SMARCC1: variants seen among roughly 807,000 people sequenced by gnomAD.
SMARCC1 encodes the protein SWI/SNF complex subunit SMARCC1.
A neutral mutation model predicts 147.4 loss-of-function variants in SMARCC1; 43 were observed. The observed-to-expected ratio is 0.29, with a 90% CI of 0.23 to 0.38. The LOEUF (loss-of-function observed/expected upper bound fraction) is 0.38, where lower values mean the gene tolerates loss of function less well. Ranked by LOEUF, SMARCC1 falls within the 10% of genes least tolerant of loss-of-function variation. The pLI is 1.00. For synonymous variants in SMARCC1, 495 were observed against 484.4 expected (o/e 1.02, Z -0.29); for missense variants, 1,119 against 1,381.1 (o/e 0.81, Z 3.01).
At chr3:47,736,365 C>T (rs2034442807) in intron 4 of SMARCC1, among the ~76,000 whole-genome samples, 1 of 152,056 alleles carries the variant, frequency 6.6e-6, no homozygotes, top group Non-Finnish European at 1.5e-5. Context: ...TTTTTAGCTA[C>T]GGAAGGGATT....
Position 47,588,299 on chromosome 3 carries a change from A to G in SMARCC1, c.3228T>C (p.Pro1076=), listed in dbSNP as rs368443987. Residue 1076 remains proline (P), a synonymous_variant, in exon 28 of 28, where the codon CCT becomes CCC. Coordinates refer to ENST00000254480, the MANE Select transcript of SMARCC1 (RefSeq NM_003074.4). ...PLTAPNGMYP[P]PPQQQPPPPP... is the part of the protein sequence containing the mutation. ...GTGGCGGTGGCTGCTGCTGTGGTGG[A>G]GGGGGATCTGCAAACATATCCAAGA... The G allele has an allele frequency of 5.0e-6, 8 of 1,613,710 alleles. No individual in the cohort carries two copies. In the South Asian group the frequency reaches 8.8e-5, roughly 18 times the overall value.
At position 47,652,342 on chromosome 3, in the gene SMARCC1, C is replaced by T. The variant is rs866718459; in HGVS notation, c.2320+8952G>A. On this transcript the variant is annotated intron_variant, in intron 21 of 27. Transcript: ENST00000254480. Reference sequence around the variant, plus strand: ...ACAGCTGCTCTGCCTGATGCATTTGCCTATTTCAGGAGACAGGTGTTAAGT... The same window carrying T: ...ACAGCTGCTCTGCCTGATGCATTTGTCTATTTCAGGAGACAGGTGTTAAGT... Among the ~76,000 whole-genome samples the T allele has an allele frequency of 2.6e-5, 4 of 152,084 alleles. No homozygotes were observed. The South Asian group carries it at 8.3e-4, about 32-fold the overall frequency.
At chr3:47,686,211 C>A (rs762077541) in intron 13 of SMARCC1, 41 bp from the exon 14 acceptor site, 3 of 1,542,156 alleles carry the variant, frequency 1.9e-6, no homozygotes, top group South Asian at 2.3e-5. Context: ...GAAAGAACTA[C>A]AGAGAGAGAT....
intron 1 of SMARCC1, among the ~76,000 whole-genome samples, chr3:47,776,654 C>G (rs2034978516): frequency 6.6e-6 from 1 of 151,978 alleles, no homozygotes; most frequent in South Asian, 2.1e-4. Context: ...ATGCCAAACT[C>G]TATAGCTGAA....
At chr3:47,626,458 TAA>T (rs67479695) in intron 24 of SMARCC1, among the ~76,000 whole-genome samples, 246 of 117,694 alleles carry the variant, frequency 2.1e-3, no homozygotes, top group East Asian at 6.8e-3. Context: ...ACCCTGTCTT[TAA>T]AAAAAAAAAA....
At chr3:47,743,812 C>CAA (rs35760519) in intron 3 of SMARCC1, among the ~76,000 whole-genome samples, 15 of 76,122 alleles carry the variant, frequency 2.0e-4, no homozygotes, top group South Asian at 8.3e-4. Context: ...GACTATGTCT[C>CAA]AAAAAAAAAA....
At chr3:47,660,804 T>C (rs892973044) in intron 21 of SMARCC1, among the ~76,000 whole-genome samples, 1 of 152,172 alleles carries the variant, frequency 6.6e-6, no homozygotes, top group African/African-American at 2.4e-5. Context: ...AATTAGATAG[T>C]GGTGATAGAC....
chr3:47,671,190 A>AAAAC (rs901033447), intron 18 of SMARCC1, among the ~76,000 whole-genome samples: 1 of 145,148 alleles, frequency 6.9e-6, no homozygotes, highest in African/African-American at 2.6e-5. Flanking sequence ...AAAAAAAAAA[A>AAAAC]AAAAAAAACA....
intron 9 of SMARCC1, among the ~76,000 whole-genome samples, chr3:47,708,919 T>C (rs1431030057): frequency 6.6e-6 from 1 of 152,140 alleles, no homozygotes; most frequent in Admixed American, 6.6e-5. Flanking sequence ...GGATTACAGG[T>C]GTGAGCCACT....
intron 21 of SMARCC1, among the ~76,000 whole-genome samples, chr3:47,644,798 G>A (rs778593934): frequency 3.3e-5 from 5 of 152,140 alleles, no homozygotes; most frequent in Non-Finnish European, 7.3e-5. Flanking sequence ...ATGAGCCACC[G>A]TGCCCAGCCA....
intron 6 of SMARCC1, 45 bp from the exon 7 acceptor site, chr3:47,720,780 TAAAG>T: frequency 7.5e-7 from 1 of 1,334,792 alleles, no homozygotes; most frequent in Non-Finnish European, 1.1e-6. Context: ...GACAAAATAA[TAAAG>T]AAACTATGAT....
At chr3:47,780,861 G>A (rs541055924) in intron 1 of SMARCC1, among the ~76,000 whole-genome samples, 1 of 152,098 alleles carries the variant, frequency 6.6e-6, no homozygotes, top group Non-Finnish European at 1.5e-5. Flanking sequence ...ATAAACAAAG[G>A]ATTAAGTCAA....
At chr3:47,701,464 T>C in intron 10 of SMARCC1, 62 bp from the exon 11 acceptor site, 1 of 1,462,496 alleles carries the variant, frequency 6.8e-7, no homozygotes, top group East Asian at 2.3e-5. Context: ...TAGCAAACAG[T>C]TTCTGAGGTT....
chr3:47,693,203 A>G (rs2033811036), intron 12 of SMARCC1, 38 bp downstream of exon 12: 3 of 1,174,044 alleles, frequency 2.6e-6, no homozygotes, highest in Non-Finnish European at 3.8e-6. Flanking sequence ...TATTCAAGAC[A>G]GAAAGCACAG....
rs925127019 is a variant in SMARCC1, at chr3:47,755,539, TA to T, written c.316-9547del. ...AAACTAATTAAATAAAAAGCGAATT[TA>T]AAAAAAAAAAGAATTATAAGTTTAA... On this transcript the variant is annotated intron_variant, in intron 2 of 27. Coordinates refer to ENST00000254480, the MANE Select transcript of SMARCC1 (RefSeq NM_003074.4). Among the ~76,000 whole-genome samples the T allele has an allele frequency of 6.1e-3, 844 of 139,058 alleles. 8 individuals are homozygous for T. Among genetic ancestry groups the T allele is most frequent in the African/African-American group, 0.02 (751 of 37,782 alleles). The allele number at this position is 139,058 out of a possible 152,430, so 91.2% of individuals were successfully genotyped here.
At chr3:47,772,693 TG>T in intron 2 of SMARCC1, 123 bp downstream of exon 2, 2 of 861,726 alleles carry the variant, frequency 2.3e-6, no homozygotes, top group South Asian at 4.5e-5. Context: ...AACTAAAATT[TG>T]TTTTTTGCTT....
At position 47,610,194 on chromosome 3, in the gene SMARCC1, T is replaced by C; in HGVS notation, c.2915A>G (p.Gln972Arg). 1.9e-6 allele frequency: 3 copies of C among 1,614,240 alleles called. No individual in the cohort carries two copies. Among genetic ancestry groups the C allele is most frequent in the East Asian group, 2.2e-5 (1 of 44,888 alleles). ...GGCCAGGCCAGGTCCTCCTGAGTGCTGGTGTGCCTGTTGAGGGTTCTGGCC... is the reference window on the plus strand; with the variant it reads ...GGCCAGGCCAGGTCCTCCTGAGTGCCGGTGTGCCTGTTGAGGGTTCTGGCC... ...QHGQNPQQAH[Q>R]HSGGPGLAPL... The change falls in exon 26 of 28, where the codon CAG becomes CGG. Residue 972 changes from glutamine to arginine, a missense_variant. Physicochemically the swap from Gln to Arg is conservative, Grantham distance 43 (BLOSUM62 1). This residue lies in a region of SMARCC1 where 186 missense variants were observed against 216.5 expected (regional missense o/e 0.86). Coordinates refer to ENST00000254480, the MANE Select transcript of SMARCC1 (RefSeq NM_003074.4).
At chr3:47,736,710 TA>T (rs1195965314) in intron 4 of SMARCC1, among the ~76,000 whole-genome samples, 4 of 150,890 alleles carry the variant, frequency 2.7e-5, no homozygotes, top group East Asian at 1.9e-4. Context: ...ATAAAATAAA[TA>T]AAAAAAATAA....
chr3:47,720,980 C>T (rs1273903648), intron 6 of SMARCC1, among the ~76,000 whole-genome samples: 1 of 152,118 alleles, frequency 6.6e-6, no homozygotes, highest in Non-Finnish European at 1.5e-5. Flanking sequence ...TTGACAAAAC[C>T]AATTATCCAC....
Sources: gnomAD v4.1 joint callset for allele counts (sites outside exome capture counted in the v4.1 genomes callset) on GRCh38, gnomAD v4.1.1 for gene constraint, gnomAD v4.1.1 regional missense constraint, MANE v1.5 for transcripts, NCBI Gene and HGNC (gene_info 2026-07-23, HGNC 2026-07-21) for gene names.